The following HELZ variants were observed in gnomAD, a reference collection of about 807,000 sequenced individuals.
The protein encoded by HELZ is helicase with zinc finger.
HELZ carries 23 observed loss-of-function variants against 218.2 expected under a neutral mutation model. The ratio of observed to expected loss-of-function variants is 0.11; its 90% CI spans 0.08 to 0.15. The LOEUF is 0.15. Among genes scored for constraint, HELZ ranks in the 10% least tolerant of loss-of-function variants. The pLI is 1.00. For missense variants in HELZ, 1,813 were observed against 2,353.7 expected, an observed-to-expected ratio of 0.77 and a Z score of 4.75; for synonymous variants, 814 against 829.4, an observed-to-expected ratio of 0.98 and a Z score of 0.32.
chr17:67,205,797 T>A (rs1445671979), intron 5 of HELZ, among the ~76,000 whole-genome samples: 1 of 152,256 alleles, frequency 6.6e-6, no homozygotes, highest in Non-Finnish European at 1.5e-5. Context: ...ACTACATTGC[T>A]GTATGAATAT....
At chr17:67,196,791 G>A in intron 7 of HELZ, among the ~76,000 whole-genome samples, 1 of 152,056 alleles carries the variant, frequency 6.6e-6, no homozygotes, top group Non-Finnish European at 1.5e-5. Flanking sequence ...ACAAGTTAAT[G>A]GATTCTTCTT....
At chr17:67,184,658 CT>C (rs886411622) in intron 12 of HELZ, among the ~76,000 whole-genome samples, 1 of 151,726 alleles carries the variant, frequency 6.6e-6, no homozygotes, top group African/African-American at 2.4e-5. Flanking sequence ...TTTTAATTAA[CT>C]TTTTTAATTA....
intron 28 of HELZ, among the ~76,000 whole-genome samples, chr17:67,113,405 G>A (rs1033661539): frequency 3.3e-5 from 5 of 151,930 alleles, no homozygotes; most frequent in African/African-American, 7.3e-5. Flanking sequence ...GACTACAGGC[G>A]CCCGCCACCA....
intron 32 of HELZ, among the ~76,000 whole-genome samples, chr17:67,084,909 C>G (rs1422493570): frequency 1.3e-5 from 2 of 152,106 alleles, no homozygotes; most frequent in Non-Finnish European, 2.9e-5. Context: ...CACTTGAGGT[C>G]AGCCTGGCCA....
At chr17:67,120,153 G>A (rs1316969543) in intron 27 of HELZ, 11 of 391,354 alleles carry the variant, frequency 2.8e-5, no homozygotes, top group African/African-American at 1.0e-4. Context: ...ACAGGCACCC[G>A]CCACCATGCC....
At chr17:67,104,707 AT>A (rs752898835) in intron 31 of HELZ, among the ~76,000 whole-genome samples, 29 of 152,346 alleles carry the variant, frequency 1.9e-4, no homozygotes, top group Non-Finnish European at 3.4e-4. Flanking sequence ...TAACAAAAAA[AT>A]AACCATTTTT....
rs550456428 is a variant in HELZ at position 67,220,860 on chromosome 17, C to CA, written c.-18-2039dup. 1.7e-4 allele frequency among the ~76,000 whole-genome samples: 23 copies of CA among 132,108 alleles called. No homozygotes were observed. The South Asian group carries it at 3.1e-3, about 18-fold the overall frequency. The allele number at this position is 132,108 out of a possible 152,430, so 86.7% of individuals were successfully genotyped here. A position where few individuals can be genotyped will look rare whatever the true frequency, so the allele number is the denominator to read the frequency against. On this transcript the variant is annotated intron_variant, in intron 3 of 32. Transcript: ENST00000358691. The stretch of plus-strand genomic sequence containing the variant: ...GTTATTAAGATAACTCCCCCCCCCC[C>CA]AAAAAAAAAGAGTACTGTATTCTTG...
At chr17:67,143,786 A>C (rs527829072) in intron 21 of HELZ, among the ~76,000 whole-genome samples, 1 of 152,362 alleles carries the variant, frequency 6.6e-6, no homozygotes, top group South Asian at 2.1e-4. Context: ...ATGTGAAAGA[A>C]GACACAATTT....
At chr17:67,094,804 C>T (rs2036692297) in intron 31 of HELZ, among the ~76,000 whole-genome samples, 1 of 152,208 alleles carries the variant, frequency 6.6e-6, no homozygotes, top group African/African-American at 2.4e-5. Context: ...CTCTTTAAGA[C>T]ATTTTTTAAA....
rs536085810 is a variant in HELZ, at chr17:67,120,528, G to A, written c.3715C>T (p.Leu1239=). The change falls in exon 27 of 33, where the codon CTA becomes TTA. Residue 1239 remains leucine (L), a synonymous_variant. Transcript: ENST00000358691. ...HQAAMAYNMN[L]LQTHGRGSPI... ...GATCCTCGTCCATGTGTCTGTAATAGGTTCATGTTATAGGCCATTGCTGCC... is the reference window on the plus strand; with the variant it reads ...GATCCTCGTCCATGTGTCTGTAATAAGTTCATGTTATAGGCCATTGCTGCC... The A allele has an allele frequency of 4.3e-6, 7 of 1,613,570 alleles. No individual in the cohort carries two copies. The highest frequency in any genetic ancestry group is 1.7e-4 in the Middle Eastern group (1 of 5,876).
rs553559803 is a variant in HELZ at position 67,232,099 on chromosome 17, G to A, written c.-19+7334C>T. ...AAGTTTACTACAAAAATAAAACTGG[G>A]TATCTCCAGGTGATGCTATTACAGC... On this transcript the variant is annotated intron_variant, in intron 3 of 32. Transcript: ENST00000358691. 2.0e-5 allele frequency among the ~76,000 whole-genome samples: 3 copies of A among 150,538 alleles called. No individual in the cohort carries two copies. In the South Asian group the frequency reaches 6.3e-4, roughly 32 times the overall value.
chr17:67,204,516 T>C (rs918971160), intron 5 of HELZ, among the ~76,000 whole-genome samples: 3 of 152,224 alleles, frequency 2.0e-5, no homozygotes, highest in African/African-American at 7.2e-5. Flanking sequence ...ATATTTATCT[T>C]ATTATTGGCT....
chr17:67,079,809 G>A (rs1170966813), intron 32 of HELZ, among the ~76,000 whole-genome samples: 1 of 152,134 alleles, frequency 6.6e-6, no homozygotes, highest in African/African-American at 2.4e-5. Flanking sequence ...TGTATGAACA[G>A]TTTTCCTTGT....
chr17:67,233,255 A>G (rs1041550027), intron 3 of HELZ, among the ~76,000 whole-genome samples: 5 of 152,234 alleles, frequency 3.3e-5, no homozygotes, highest in African/African-American at 1.2e-4. Flanking sequence ...TGGGAAGCTG[A>G]GGTGGGAGAA....
intron 5 of HELZ, 119 bp downstream of exon 5, chr17:67,215,780 G>A: frequency 2.8e-6 from 2 of 711,678 alleles, no homozygotes; most frequent in Admixed American, 4.5e-5. Context: ...TCAGTCACTA[G>A]CCACCACAGT....
intron 31 of HELZ, among the ~76,000 whole-genome samples, chr17:67,092,675 T>C (rs1359546063): frequency 1.3e-5 from 2 of 152,158 alleles, no homozygotes; most frequent in African/African-American, 4.8e-5. Context: ...TAGTGAAAGA[T>C]AATCAAGCGG....
Position 67,137,917 on chromosome 17 carries a change from C to A in HELZ, c.2953+14G>T. On this transcript the variant is annotated intron_variant, in intron 22 of 32. Transcript: ENST00000358691. ...AGCATTTGAATGACTGAATTCATTT[C>A]AATTGACACTTACCTTGAACATTTA... 6.4e-7 allele frequency: 1 copy of A among 1,571,258 alleles called. No homozygotes were observed. The highest frequency in any genetic ancestry group is 8.7e-7 in the Non-Finnish European group (1 of 1,151,838).
Position 67,155,168 on chromosome 17 carries a change from G to A in HELZ, c.2178-3944C>T, listed in dbSNP as rs553494360. 9.9e-5 allele frequency among the ~76,000 whole-genome samples: 15 copies of A among 152,284 alleles called. No individual in the cohort carries two copies. In the Middle Eastern group the frequency reaches 0.01, roughly 104 times the overall value. ...AAAGGATGTGCACCATCAAAACAAG[G>A]TAGAAAATCAAGAAAGAGGAAGACC... is the stretch of plus-strand genomic sequence containing the variant. On this transcript the variant is annotated intron_variant, in intron 17 of 32. Transcript: ENST00000358691.
chr17:67,245,332 C>A, upstream of HELZ: 1 of 729,082 alleles, frequency 1.4e-6, no homozygotes, highest in Non-Finnish European at 1.7e-6. Flanking sequence ...CCGACCCCGG[C>A]GCCCGCAGCT....
Sources: gnomAD v4.1 joint callset for allele counts (sites outside exome capture counted in the v4.1 genomes callset) on GRCh38, gnomAD v4.1.1 for gene constraint, MANE v1.5 for transcripts, NCBI Gene and HGNC (gene_info 2026-07-23, HGNC 2026-07-21) for gene names.